Variants in CCZ1 observed in about 807,000 individuals in gnomAD.
CCZ1 encodes vacuolar fusion protein CCZ1 homolog.
CCZ1 carries 19 observed loss-of-function variants against 57.8 expected under a neutral mutation model. The observed-to-expected ratio is 0.33, with a 90% CI of 0.23 to 0.48. The LOEUF (loss-of-function observed/expected upper bound fraction) is 0.48. Ranked by LOEUF, CCZ1 falls within the 20% of genes least tolerant of loss-of-function variation. The pLI is 0.99. For synonymous variants in CCZ1, 81 were observed against 167.0 expected (o/e 0.49, Z 3.97); for missense variants, 200 against 492.0 (o/e 0.41, Z 5.61).
chr7:5,907,742 C>G (rs1470550045), intron 7 of CCZ1, among the ~76,000 whole-genome samples: 4 of 137,612 alleles, frequency 2.9e-5, no homozygotes, highest in Non-Finnish European at 6.1e-5. Flanking sequence ...CAGAACTGTT[C>G]TGTTGTCACC....
At chr7:5,903,306 A>G (rs1781726230) in intron 6 of CCZ1, among the ~76,000 whole-genome samples, 1 of 142,876 alleles carries the variant, frequency 7.0e-6, no homozygotes, top group Non-Finnish European at 1.5e-5. Context: ...TTAAAAGGAA[A>G]CAAAGAGACA....
chr7:5,916,510 T>TG (rs1779150320), intron 10 of CCZ1, among the ~76,000 whole-genome samples: 1 of 13,732 alleles, frequency 7.3e-5, no homozygotes, highest in Admixed American at 7.5e-4. Context: ...TTTTTGTTTT[T>TG]TTTTTTTTTG....
At chr7:5,899,332 G>GTGTGTGTGTGT (rs1781623164) in intron 1 of CCZ1, among the ~76,000 whole-genome samples, 30 of 128,912 alleles carry the variant, frequency 2.3e-4, no homozygotes, top group African/African-American at 8.0e-4. Context: ...TTTCGGGAGG[G>GTGTGTGTGTGT]GGGTGTGTGT....
chr7:5,911,538 G>A (rs1415773378), intron 8 of CCZ1, among the ~76,000 whole-genome samples: 1 of 148,842 alleles, frequency 6.7e-6, no homozygotes, highest in Admixed American at 6.6e-5. Flanking sequence ...CAAGTAATCT[G>A]CCTGCCTTGG....
chr7:5,912,567 T>C (rs1276244436), intron 9 of CCZ1, among the ~76,000 whole-genome samples: 3 of 147,084 alleles, frequency 2.0e-5, no homozygotes, highest in Admixed American at 6.7e-5. Context: ...GACCAGCTAA[T>C]TTTTGTAGTT....
chr7:5,920,469 G>GTTTT (rs1562546070), intron 12 of CCZ1, among the ~76,000 whole-genome samples: 1 of 22,146 alleles, frequency 4.5e-5, no homozygotes, highest in Non-Finnish European at 7.6e-5. Flanking sequence ...TTTCTCCCTG[G>GTTTT]CTTTTTTTTT....
chr7:5,907,400 T>C (rs2128611820), intron 7 of CCZ1, among the ~76,000 whole-genome samples: 1 of 149,302 alleles, frequency 6.7e-6, no homozygotes, highest in Middle Eastern at 3.4e-3. Context: ...GATAGGGAGA[T>C]GTCATGTGAC....
At position 5,906,693 on chromosome 7, in the gene CCZ1, G is replaced by C. The variant is rs1318246920; in HGVS notation, c.698+1424G>C. Among the ~76,000 whole-genome samples, 8 of 149,480 alleles carry C rather than the reference G, an allele frequency of 5.4e-5. 1 individual carries two copies. Among genetic ancestry groups the C allele is most frequent in the African/African-American group, 2.0e-4 (8 of 40,438 alleles). On this transcript the variant is annotated intron_variant, in intron 7 of 14. Coordinates refer to ENST00000325974, the MANE Select transcript of CCZ1 (RefSeq NM_015622.6). Reference sequence around the variant, plus strand: ...AAGGTAAATTCAGCTAATAGAAAAGGCAAAACTAGTTCCCCTAAAATTTAC... The same window carrying C: ...AAGGTAAATTCAGCTAATAGAAAAGCCAAAACTAGTTCCCCTAAAATTTAC...
intron 10 of CCZ1, among the ~76,000 whole-genome samples, chr7:5,914,491 G>A (rs1187753718): frequency 6.7e-6 from 1 of 148,902 alleles, no homozygotes; most frequent in Admixed American, 6.6e-5. Flanking sequence ...TTATGTGACA[G>A]TGGAAGAGAG....
chr7:5,900,639 T>C (rs1781664896), intron 3 of CCZ1, 73 bp downstream of exon 3: 4 of 1,419,678 alleles, frequency 2.8e-6, no homozygotes, highest in Middle Eastern at 2.6e-4. Flanking sequence ...GTTCAGAATT[T>C]AGGAAAGTTC....
At chr7:5,903,329 G>A (rs1781726870) in intron 6 of CCZ1, among the ~76,000 whole-genome samples, 1 of 141,836 alleles carries the variant, frequency 7.1e-6, no homozygotes, top group Non-Finnish European at 1.5e-5. Context: ...GTCTTGTCTT[G>A]GTTGTTTTGC....
intron 5 of CCZ1, chr7:5,902,225 G>T: frequency 5.4e-6 from 1 of 184,578 alleles, no homozygotes; most frequent in Non-Finnish European, 1.1e-5. Flanking sequence ...TCGCGCCTTG[G>T]AGGTCGAGGC....
Position 5,905,193 on chromosome 7 carries a change from T to A in CCZ1, c.622T>A (p.Ser208Thr), listed in dbSNP as rs776802569. The change falls in exon 7 of 15, where the codon TCC becomes ACC. Residue 208 changes from serine (S) to threonine (T), a missense_variant. Around this residue, in one of 5 missense-constraint regions of CCZ1, gnomAD observed 128 missense variants for 178.4 expected, o/e 0.72. Transcript: ENST00000325974. ...LDKMTYLKIQSFINRMEESLN... is the reference protein window; with the variant it reads ...LDKMTYLKIQTFINRMEESLN... ...TAAAATGACTTATTTGAAAATCCAG[T>A]CCTTTATTAATAGAATGGAGGAAAG... is the stretch of plus-strand genomic sequence containing the variant. The A allele has an allele frequency of 1.3e-6, 2 of 1,569,212 alleles. No homozygotes were observed. The highest frequency in any genetic ancestry group is 1.7e-6 in the Non-Finnish European group (2 of 1,156,640).
chr7:5,909,702 A>G (rs1333862058), intron 7 of CCZ1, among the ~76,000 whole-genome samples: 1 of 145,956 alleles, frequency 6.9e-6, no homozygotes, highest in Non-Finnish European at 1.5e-5. Flanking sequence ...TGTCTCAAAA[A>G]AAAAAAGAAA....
Position 5,903,950 on chromosome 7 carries a change from C to T in CCZ1, c.523-1144C>T, listed in dbSNP as rs569099921. Among the ~76,000 whole-genome samples, 125 of 140,934 alleles carry T rather than the reference C, an allele frequency of 8.9e-4. 1 individual carries two copies. Among genetic ancestry groups the T allele is most frequent in the African/African-American group, 3.3e-3 (122 of 36,750 alleles). The allele number at this position is 140,934 out of a possible 152,430, so 92.5% of individuals were successfully genotyped here. ...GCGAGGTTGCAGTGAGCCGAGATCA[C>T]ACCGCTGCACTCCAGCCTGGGTGAC... On this transcript the variant is annotated intron_variant, in intron 6 of 14. Transcript: ENST00000325974.
chr7:5,900,764 T>G, intron 3 of CCZ1, 91 bp from the exon 4 acceptor site: 1 of 1,581,488 alleles, frequency 6.3e-7, no homozygotes, highest in South Asian at 1.2e-5. Flanking sequence ...ATGTTTCTGA[T>G]GCTGTAGCAT....
intron 5 of CCZ1, 45 bp from the exon 6 acceptor site, chr7:5,902,616 G>C (rs1781710013): frequency 1.9e-6 from 3 of 1,548,210 alleles, no homozygotes; most frequent in Non-Finnish European, 2.6e-6. Context: ...GAAAAAGTGA[G>C]CATAGGAAAC....
rs763365658 is a variant in CCZ1 at position 5,912,931 on chromosome 7, G to A, written c.931G>A (p.Glu311Lys). ...TGTAAATACAGATGACACTTATGAA[G>A]AGCTCCATTTAATCGTTTATAAGGT... is the stretch of plus-strand genomic sequence containing the variant. ...IFVNTDDTYEELHLIVYKAMS... is the reference protein window; with the variant it reads ...IFVNTDDTYEKLHLIVYKAMS... The change falls in exon 10 of 15, where the codon GAG (glutamate) becomes AAG (lysine). Residue 311 changes from glutamate (E) to lysine (K), a missense_variant. Physicochemically the swap from Glu to Lys is moderately conservative, Grantham distance 56 (BLOSUM62 1). Around this residue, in one of 5 missense-constraint regions of CCZ1, gnomAD observed 13 missense variants for 20.1 expected, o/e 0.65. Transcript: ENST00000325974. 5.6e-6 allele frequency: 9 copies of A among 1,597,996 alleles called. No individual in the cohort carries two copies. Among genetic ancestry groups the A allele is most frequent in the Non-Finnish European group, 7.7e-6 (9 of 1,172,876 alleles).
chr7:5,906,432 C>T (rs1311040536), intron 7 of CCZ1, among the ~76,000 whole-genome samples: 1 of 147,136 alleles, frequency 6.8e-6, no homozygotes, highest in Non-Finnish European at 1.5e-5. Context: ...AAGCGATTCT[C>T]CTGCCTCAGC....
Sources: allele counts gnomAD v4.1 joint callset (sites outside exome capture counted in the v4.1 genomes callset), GRCh38; gene constraint gnomAD v4.1.1; regional missense constraint gnomAD v4.1.1; transcripts MANE v1.5; gene names NCBI Gene and HGNC (gene_info 2026-07-23, HGNC 2026-07-21).